IQGAP1: variants seen among roughly 807,000 people sequenced by gnomAD.
The protein encoded by IQGAP1 is ras GTPase-activating-like protein IQGAP1.
A neutral mutation model predicts 215.6 loss-of-function variants in IQGAP1; 66 were observed. That is an observed-to-expected ratio of 0.31 (90% CI 0.25 to 0.38). IQGAP1 has a LOEUF of 0.38. IQGAP1 is among the 10% of genes least tolerant of loss of function. IQGAP1 has a pLI of 1.00. For missense variants in IQGAP1, 1,712 were observed against 1,997.1 expected (o/e 0.86, Z 2.72); for synonymous variants, 772 against 728.7 (o/e 1.06, Z -0.96).
intron 18 of IQGAP1, among the ~76,000 whole-genome samples, chr15:90,468,564 C>T (rs762662650): frequency 3.3e-5 from 5 of 152,166 alleles, no homozygotes; most frequent in Non-Finnish European, 5.9e-5. Flanking sequence ...GGCATGGTGG[C>T]TCACACCTGT....
Position 90,429,665 on chromosome 15 carries a change from A to G in IQGAP1, c.389A>G (p.Lys130Arg). ...LNAMDEIGLP[K>R]IFYPETTDIY... ...GCCATGGATGAGATTGGATTGCCTA[A>G]GGTAACTTACCTGAGATAATAGTTT... is the stretch of plus-strand genomic sequence containing the variant. Residue 130 changes from lysine to arginine, a missense_variant and splice_region_variant, in exon 4 of 38, where the codon AAG becomes AGG. Coordinates refer to ENST00000268182, the MANE Select transcript of IQGAP1 (RefSeq NM_003870.4). The G allele has an allele frequency of 6.3e-7, 1 of 1,597,932 alleles. No homozygotes were observed. The highest frequency in any genetic ancestry group is 2.3e-5 in the East Asian group (1 of 44,438).
rs761413481 is a variant in IQGAP1 at position 90,433,720 on chromosome 15, T to C, written c.392T>C (p.Ile131Thr). ...TCTGTTTCTTTTATTTCTCCCTAGA[T>C]TTTTTACCCAGAAACTACAGATATC... ...NAMDEIGLPK[I>T]FYPETTDIYD... is the part of the protein sequence containing the mutation. The change falls in exon 5 of 38, where the codon ATT (isoleucine) becomes ACT (threonine). Residue 131 changes from isoleucine (I) to threonine (T), a missense_variant and splice_region_variant. Physicochemically the swap from Ile to Thr is moderately conservative, Grantham distance 89. This residue lies in a region of IQGAP1 where 1,021 missense variants were observed against 1,074.2 expected (regional missense o/e 0.95). Coordinates refer to ENST00000268182, the MANE Select transcript of IQGAP1 (RefSeq NM_003870.4). 3.8e-6 allele frequency: 6 copies of C among 1,581,080 alleles called. No individual in the cohort carries two copies. The South Asian group carries it at 5.6e-5, about 15-fold the overall frequency.
rs145247409 is a variant in IQGAP1 at position 90,477,969 on chromosome 15, T to C, written c.3329+80T>C. ...TTTTCCCCTCTCTTTATTTATAAAC[T>C]AATATTAGTTCAAATAGTTTTTCTT... On this transcript the variant is annotated intron_variant, in intron 26 of 37. Transcript: ENST00000268182. The C allele has an allele frequency of 1.8e-4, 156 of 880,210 alleles. 1 individual carries two copies. The African/African-American group carries it at 2.4e-3, about 14-fold the overall frequency. 54.5% of individuals were successfully genotyped at this position (880,210 alleles called of 1,614,324 possible).
At chr15:90,422,660 G>GTATATATATATATATA (rs371022759) in intron 2 of IQGAP1, among the ~76,000 whole-genome samples, 1 of 85,670 alleles carries the variant, frequency 1.2e-5, no homozygotes. Context: ...ATATATATAT[G>GTATATATATATATATA]TATATATATA....
rs766151531 is a variant in IQGAP1 at position 90,473,945 on chromosome 15, G to T, written c.2483G>T (p.Arg828Leu). The part of the protein sequence containing the change: ...MHQARKRYRD[R>L]LQYFRDHIND... Reference sequence around the variant, plus strand: ...CAAGCTCGAAAGCGCTATCGAGATCGCCTGCAGTACTTCCGGGACCATGTA... The same window carrying T: ...CAAGCTCGAAAGCGCTATCGAGATCTCCTGCAGTACTTCCGGGACCATGTA... The change falls in exon 21 of 38, where the codon CGC becomes CTC. Residue 828 changes from arginine (R) to leucine (L), a missense_variant. Coordinates refer to ENST00000268182, the MANE Select transcript of IQGAP1 (RefSeq NM_003870.4). The T allele has an allele frequency of 1.2e-6, 2 of 1,613,938 alleles. No individual in the cohort carries two copies. The highest frequency in any genetic ancestry group is 1.7e-5 in the Admixed American group (1 of 59,994).
Position 90,412,786 on chromosome 15 carries a change from A to G in IQGAP1, c.156-13324A>G, listed in dbSNP as rs1307455431. On this transcript the variant is annotated intron_variant, in intron 2 of 37. Coordinates refer to ENST00000268182, the MANE Select transcript of IQGAP1 (RefSeq NM_003870.4). Reference sequence around the variant, plus strand: ...TTAGCATAGAGTAACCCTGGCATTCAGGGATGTTTGCTGTGCAAGATGGGT... The same window carrying G: ...TTAGCATAGAGTAACCCTGGCATTCGGGGATGTTTGCTGTGCAAGATGGGT... Among the ~76,000 whole-genome samples the G allele has an allele frequency of 2.0e-5, 3 of 152,172 alleles. No individual in the cohort carries two copies. The East Asian group carries it at 5.8e-4, about 29-fold the overall frequency.
At chr15:90,419,198 G>C (rs1409887863) in intron 2 of IQGAP1, among the ~76,000 whole-genome samples, 2 of 150,990 alleles carry the variant, frequency 1.3e-5, no homozygotes, top group South Asian at 4.2e-4. Flanking sequence ...TTGGGTTCAA[G>C]TGAGAGTTTA....
At chr15:90,472,786 C>T (rs1965923526) in intron 18 of IQGAP1, 54 bp from the exon 19 acceptor site, 2 of 1,527,306 alleles carry the variant, frequency 1.3e-6, no homozygotes, top group African/African-American at 1.4e-5. Flanking sequence ...TTCGTGAAAA[C>T]CTGCATCCAT....
rs1341209548 is a variant in IQGAP1, at chr15:90,483,355, T to A, written c.3556-6T>A. On this transcript the variant is annotated splice_polypyrimidine_tract_variant and splice_region_variant and intron_variant, in intron 28 of 37. Coordinates refer to ENST00000268182, the MANE Select transcript of IQGAP1 (RefSeq NM_003870.4). ...AATACCCATCTTTCTGTTTCGTCTG[T>A]TCCAGATTATTGGTAACTTGCTTTA... is the stretch of plus-strand genomic sequence containing the variant. 1.9e-6 allele frequency: 3 copies of A among 1,604,226 alleles called. No homozygotes were observed. In the Admixed American group the frequency reaches 5.0e-5, roughly 27 times the overall value.
At chr15:90,486,238 A>C (rs1966124966) in intron 31 of IQGAP1, 106 bp downstream of exon 31, 1 of 657,410 alleles carries the variant, frequency 1.5e-6, no homozygotes, top group Non-Finnish European at 2.7e-6. Flanking sequence ...CTGGATATAC[A>C]TTGAGAAATA....
chr15:90,473,670 A>T (rs1965936337), intron 19 of IQGAP1, 45 bp from the exon 20 acceptor site: 2 of 1,364,830 alleles, frequency 1.5e-6, no homozygotes, highest in Non-Finnish European at 2.1e-6. Flanking sequence ...ACTTCCATTG[A>T]TGCTTGGGAA....
intron 3 of IQGAP1, among the ~76,000 whole-genome samples, chr15:90,429,180 A>G (rs577928908): frequency 2.0e-5 from 3 of 152,272 alleles, no homozygotes; most frequent in South Asian, 4.1e-4. Flanking sequence ...TTTTGTGAAC[A>G]TCTATGTATT....
chr15:90,494,087 C>T (rs1365195199), intron 35 of IQGAP1: 1 of 152,176 alleles, frequency 6.6e-6, no homozygotes, highest in African/African-American at 2.4e-5. Flanking sequence ...AGCAGTTCTC[C>T]ATTGATGGAC....
chr15:90,400,288 CACAT>C (rs1249111892), intron 2 of IQGAP1, among the ~76,000 whole-genome samples: 24 of 152,126 alleles, frequency 1.6e-4, no homozygotes, highest in Non-Finnish European at 2.6e-4. Flanking sequence ...GTATGTGTCT[CACAT>C]ACATCTTTTG....
intron 28 of IQGAP1, chr15:90,482,659 C>T (rs1596289590): frequency 8.8e-6 from 6 of 683,000 alleles, no homozygotes; most frequent in Non-Finnish European, 9.1e-6. Context: ...CTTCTCTTTT[C>T]TTTTTTTTTT....
At chr15:90,488,094 G>A (rs973720574) in intron 33 of IQGAP1, among the ~76,000 whole-genome samples, 37 of 152,092 alleles carry the variant, frequency 2.4e-4, no homozygotes, top group African/African-American at 8.7e-4. Context: ...GGTGGTAGAT[G>A]CCTGTAGTCC....
chr15:90,496,875 T>C (rs1032036946), intron 36 of IQGAP1: 8 of 166,060 alleles, frequency 4.8e-5, no homozygotes, highest in African/African-American at 1.7e-4. Context: ...CCTTCCCCAG[T>C]GTCCTCCGTT....
intron 2 of IQGAP1, among the ~76,000 whole-genome samples, chr15:90,419,445 T>G (rs539588125): frequency 9.4e-4 from 143 of 152,338 alleles, no homozygotes; most frequent in African/African-American, 3.4e-3. Flanking sequence ...TGACATCACC[T>G]TTTTAAAAAT....
chr15:90,470,083 A>G (rs1411112884), intron 18 of IQGAP1, among the ~76,000 whole-genome samples: 1 of 152,168 alleles, frequency 6.6e-6, no homozygotes, highest in Non-Finnish European at 1.5e-5. Context: ...TTTTGCATAT[A>G]TGGACCTAAG....
Sources: gnomAD v4.1 joint callset for allele counts (sites outside exome capture counted in the v4.1 genomes callset) on GRCh38, gnomAD v4.1.1 for gene constraint, gnomAD v4.1.1 regional missense constraint, MANE v1.5 for transcripts, NCBI Gene and HGNC (gene_info 2026-07-23, HGNC 2026-07-21) for gene names.